NEGR1: variants seen among roughly 807,000 people sequenced by gnomAD.
NEGR1 encodes the protein neuronal growth regulator 1.
Under a neutral mutation model 40.9 loss-of-function variants are expected in NEGR1, and 10 were observed. That is an observed-to-expected ratio of 0.24 (90% CI 0.15 to 0.42). NEGR1 has a LOEUF of 0.42. Ranked by LOEUF, NEGR1 falls within the 10% of genes least tolerant of loss-of-function variation. The probability of loss-of-function intolerance (pLI) is 1.00; values close to 1 mark genes in which losing one functional copy is unlikely to be tolerated. For missense variants in NEGR1, 352 were observed against 438.9 expected, an observed-to-expected ratio of 0.80 and a Z score of 1.77; for synonymous variants, 185 against 166.8, an observed-to-expected ratio of 1.11 and a Z score of -0.84.
intron 1 of NEGR1, among the ~76,000 whole-genome samples, chr1:71,940,498 G>T (rs1645948911): frequency 6.6e-6 from 1 of 152,068 alleles, no homozygotes; most frequent in Non-Finnish European, 1.5e-5. Context: ...AAAATACATA[G>T]GAAATAGCTT....
At chr1:71,800,609 A>G (rs1280323220) in intron 2 of NEGR1, among the ~76,000 whole-genome samples, 1 of 152,066 alleles carries the variant, frequency 6.6e-6, no homozygotes, top group Non-Finnish European at 1.5e-5. Flanking sequence ...TCCACTTTCA[A>G]TCAAAATTAT....
At chr1:71,841,928 T>C (rs1051562500) in intron 2 of NEGR1, among the ~76,000 whole-genome samples, 6 of 152,142 alleles carry the variant, frequency 3.9e-5, no homozygotes, top group African/African-American at 1.4e-4. Context: ...TTTAAAACTG[T>C]CTCAAAATTC....
At chr1:72,041,764 A>G (rs1646956793) in intron 1 of NEGR1, among the ~76,000 whole-genome samples, 1 of 148,186 alleles carries the variant, frequency 6.7e-6, no homozygotes, top group East Asian at 2.0e-4. Flanking sequence ...GACATGAGGT[A>G]GAGATGCACC....
At chr1:71,437,152 A>T (rs1441367917) in intron 6 of NEGR1, among the ~76,000 whole-genome samples, 1 of 152,158 alleles carries the variant, frequency 6.6e-6, no homozygotes, top group Admixed American at 6.5e-5. Flanking sequence ...TTACTTGAAT[A>T]TAATTAATTA....
intron 1 of NEGR1, among the ~76,000 whole-genome samples, chr1:72,229,696 A>G (rs1014488277): frequency 1.3e-5 from 2 of 151,806 alleles, no homozygotes; most frequent in African/African-American, 4.8e-5. Context: ...AGATCTAATG[A>G]ACAAAGTTTC....
At chr1:71,675,180 C>T (rs923568569) in intron 4 of NEGR1, among the ~76,000 whole-genome samples, 1 of 126,430 alleles carries the variant, frequency 7.9e-6, no homozygotes, top group Non-Finnish European at 1.7e-5. Flanking sequence ...TGTTAGCATG[C>T]CCGGTTAATA....
intron 1 of NEGR1, among the ~76,000 whole-genome samples, chr1:71,964,167 T>C (rs1646191436): frequency 6.6e-6 from 1 of 152,198 alleles, no homozygotes; most frequent in Non-Finnish European, 1.5e-5. Context: ...GACTGTATTT[T>C]ACAAAATGAC....
At chr1:71,411,757 T>G (rs554681371) in intron 6 of NEGR1, among the ~76,000 whole-genome samples, 100 of 152,218 alleles carry the variant, frequency 6.6e-4, no homozygotes, top group Admixed American at 5.6e-3. Flanking sequence ...CCCAGCACTT[T>G]GGGAGGCCGA....
At chr1:71,473,645 T>C (rs1014280046) in intron 6 of NEGR1, among the ~76,000 whole-genome samples, 1 of 152,184 alleles carries the variant, frequency 6.6e-6, no homozygotes, top group African/African-American at 2.4e-5. Context: ...AACATATATT[T>C]TGTAGGATAT....
chr1:71,455,132 A>G (rs1422066182), intron 6 of NEGR1, among the ~76,000 whole-genome samples: 1 of 152,200 alleles, frequency 6.6e-6, no homozygotes, highest in Non-Finnish European at 1.5e-5. Flanking sequence ...TCCTCTACTT[A>G]GTCTCCAAGA....
At chr1:72,085,214 A>G (rs1648167061) in intron 1 of NEGR1, among the ~76,000 whole-genome samples, 1 of 151,770 alleles carries the variant, frequency 6.6e-6, no homozygotes, top group South Asian at 2.1e-4. Context: ...GTATATGCGC[A>G]TATATATATA....
intron 2 of NEGR1, among the ~76,000 whole-genome samples, chr1:71,911,440 C>G (rs376105980): frequency 1.3e-5 from 2 of 152,236 alleles, no homozygotes; most frequent in South Asian, 4.1e-4. Context: ...TTTATTTTCT[C>G]TAAAATAGGA....
At chr1:71,869,096 CT>C (rs1456198750) in intron 2 of NEGR1, among the ~76,000 whole-genome samples, 1 of 152,098 alleles carries the variant, frequency 6.6e-6, no homozygotes, top group Non-Finnish European at 1.5e-5. Context: ...CATCTTTTAC[CT>C]GTTTATTTTC....
At chr1:71,545,533 T>C (rs1647865157) in intron 6 of NEGR1, among the ~76,000 whole-genome samples, 1 of 151,716 alleles carries the variant, frequency 6.6e-6, no homozygotes, top group South Asian at 2.1e-4. Context: ...TCTATGTCTA[T>C]TGTGCTGTCT....
chr1:72,276,415 G>C (rs2100565869), intron 1 of NEGR1, among the ~76,000 whole-genome samples: 1 of 152,076 alleles, frequency 6.6e-6, no homozygotes, highest in African/African-American at 2.4e-5. Flanking sequence ...TCTACAAGCA[G>C]GGTTTAATCA....
intron 4 of NEGR1, among the ~76,000 whole-genome samples, chr1:71,660,463 C>T (rs1229491461): frequency 6.6e-6 from 1 of 151,938 alleles, no homozygotes; most frequent in Non-Finnish European, 1.5e-5. Context: ...TTCACATGTA[C>T]CCCTAAATAT....
chr1:71,495,067 CA>C (rs1336775141), intron 6 of NEGR1, among the ~76,000 whole-genome samples: 4 of 152,078 alleles, frequency 2.6e-5, no homozygotes, highest in Non-Finnish European at 5.9e-5. Context: ...ACTTTGTAAT[CA>C]AAATACAGTA....
intron 6 of NEGR1, among the ~76,000 whole-genome samples, chr1:71,410,153 T>C (rs1216465048): frequency 6.6e-6 from 1 of 152,128 alleles, no homozygotes; most frequent in Admixed American, 6.5e-5. Context: ...TTATATACTT[T>C]TTTGTTGCTT....
intron 3 of NEGR1, among the ~76,000 whole-genome samples, chr1:71,769,384 A>G (rs1016953866): frequency 6.6e-6 from 1 of 152,166 alleles, no homozygotes; most frequent in African/African-American, 2.4e-5. Flanking sequence ...TAATTTCAGG[A>G]ACAGAGTTAC....
Sources: allele counts gnomAD v4.1 joint callset (sites outside exome capture counted in the v4.1 genomes callset), GRCh38; gene constraint gnomAD v4.1.1; transcripts MANE v1.5; gene names NCBI Gene and HGNC (gene_info 2026-07-23, HGNC 2026-07-21).